COX7B2: variants seen among roughly 807,000 people sequenced by gnomAD.
The protein encoded by COX7B2 is cytochrome c oxidase subunit 7B2, mitochondrial.
For synonymous variants in COX7B2, 37 were observed against 32.1 expected (o/e 1.15, Z -0.51); for missense variants, 109 against 95.9 (o/e 1.14, Z -0.57).
chr4:46,891,715 C>T (rs1276882570), intron 1 of COX7B2, among the ~76,000 whole-genome samples: 1 of 152,136 alleles, frequency 6.6e-6, no homozygotes, highest in Non-Finnish European at 1.5e-5. Flanking sequence ...TAGCTTCTTG[C>T]CCTTCTCTTC....
At chr4:46,899,611 G>C (rs187703226) in intron 1 of COX7B2, among the ~76,000 whole-genome samples, 86 of 152,134 alleles carry the variant, frequency 5.7e-4, no homozygotes, top group African/African-American at 2.0e-3. Flanking sequence ...CTAAATAGTT[G>C]GCCTTTCATG....
chr4:46,848,003 G>A (rs529715799), intron 1 of COX7B2, among the ~76,000 whole-genome samples: 2 of 152,002 alleles, frequency 1.3e-5, no homozygotes, highest in African/African-American at 4.8e-5. Context: ...TTTGTTCTAG[G>A]TGCTCATTCA....
At chr4:46,880,993 T>TAAAAAAAAAAAAAAAAAAAAAA (rs1215385422) in intron 1 of COX7B2, among the ~76,000 whole-genome samples, 7 of 102,804 alleles carry the variant, frequency 6.8e-5, no homozygotes, top group Admixed American at 2.3e-4. Context: ...TAGAGTATAA[T>TAAAAAAAAAAAAAAAAAAAAAA]AAAAAAAAAA....
chr4:46,888,007 G>T (rs1441099451), intron 1 of COX7B2, among the ~76,000 whole-genome samples: 2 of 152,156 alleles, frequency 1.3e-5, no homozygotes, highest in African/African-American at 2.4e-5. Context: ...TGAAAGACCT[G>T]CTTGCTGTGC....
At chr4:46,848,376 T>G (rs555180996) in intron 1 of COX7B2, among the ~76,000 whole-genome samples, 1 of 152,242 alleles carries the variant, frequency 6.6e-6, no homozygotes, top group African/African-American at 2.4e-5. Flanking sequence ...GCATTTATTA[T>G]GCGAAAGGCC....
At position 46,897,877 on chromosome 4, in the gene COX7B2, T is replaced by C. The variant is rs970985855; in HGVS notation, c.-105+11283A>G. 2.0e-5 allele frequency among the ~76,000 whole-genome samples: 3 copies of C among 152,226 alleles called. No individual in the cohort carries two copies. The East Asian group carries it at 5.8e-4, about 29-fold the overall frequency. On this transcript the variant is annotated intron_variant, in intron 1 of 2. Coordinates refer to ENST00000355591, the MANE Select transcript of COX7B2 (RefSeq NM_130902.3). ...AGACTTCATTTTCTCTTACCTCACA[T>C]TAAATCTGGTATTGTTAACCACATT... is the stretch of plus-strand genomic sequence containing the variant.
At chr4:46,752,877 T>C (rs1300523383) in intron 2 of COX7B2, among the ~76,000 whole-genome samples, 1 of 152,118 alleles carries the variant, frequency 6.6e-6, no homozygotes, top group Non-Finnish European at 1.5e-5. Context: ...GGTCTAAAAT[T>C]CTCTTTTTGT....
intron 2 of COX7B2, among the ~76,000 whole-genome samples, chr4:46,815,260 G>C (rs1037587181): frequency 4.2e-4 from 64 of 152,116 alleles, no homozygotes; most frequent in Non-Finnish European, 1.0e-4. Context: ...TCCAACTGGG[G>C]TTTAAAGTTA....
intron 2 of COX7B2, among the ~76,000 whole-genome samples, chr4:46,787,713 C>T (rs1717824702): frequency 6.6e-6 from 1 of 152,148 alleles, no homozygotes; most frequent in Non-Finnish European, 1.5e-5. Context: ...TACACAAAGA[C>T]CTAGGCACCT....
intron 1 of COX7B2, among the ~76,000 whole-genome samples, chr4:46,851,384 T>C (rs186917225): frequency 1.4e-4 from 21 of 152,224 alleles, no homozygotes; most frequent in African/African-American, 4.8e-4. Context: ...ATGAACTCAA[T>C]GAATTTTAAT....
At chr4:46,754,697 CGTGTGTGTGTGTGTGT>C (rs367614632) in intron 2 of COX7B2, among the ~76,000 whole-genome samples, 4 of 73,844 alleles carry the variant, frequency 5.4e-5, no homozygotes, top group African/African-American at 2.2e-4. Context: ...CAATAAAATA[CGTGTGTGTGTGTGTGT>C]GTGTGTGTGT....
intron 2 of COX7B2, among the ~76,000 whole-genome samples, chr4:46,769,804 A>G (rs931642096): frequency 6.6e-6 from 1 of 152,228 alleles, no homozygotes; most frequent in African/African-American, 2.4e-5. Flanking sequence ...CCATCTTGTC[A>G]TGATAAAAAA....
intron 1 of COX7B2, among the ~76,000 whole-genome samples, chr4:46,849,654 C>A (rs571829369): frequency 1.3e-5 from 2 of 151,956 alleles, no homozygotes; most frequent in African/African-American, 4.8e-5. Flanking sequence ...TTTAATACAG[C>A]TTTTACTTAA....
At chr4:46,891,478 A>C (rs1342270903) in intron 1 of COX7B2, among the ~76,000 whole-genome samples, 2 of 152,206 alleles carry the variant, frequency 1.3e-5, no homozygotes, top group Non-Finnish European at 2.9e-5. Context: ...GGAAAGTAGT[A>C]AGAGAACGAT....
intron 2 of COX7B2, among the ~76,000 whole-genome samples, chr4:46,808,733 T>C (rs1719135496): frequency 6.6e-6 from 1 of 151,904 alleles, no homozygotes; most frequent in Non-Finnish European, 1.5e-5. Context: ...CTGTTGAGCA[T>C]ATTTATCAAG....
At chr4:46,900,265 T>G (rs534545144) in intron 1 of COX7B2, among the ~76,000 whole-genome samples, 2 of 152,334 alleles carry the variant, frequency 1.3e-5, no homozygotes, top group South Asian at 4.1e-4. Flanking sequence ...AAGGGCTATG[T>G]GGCTCCTCTG....
At chr4:46,794,458 G>A (rs954481351) in intron 2 of COX7B2, among the ~76,000 whole-genome samples, 1 of 152,122 alleles carries the variant, frequency 6.6e-6, no homozygotes, top group Non-Finnish European at 1.5e-5. Flanking sequence ...AACTGTTAGA[G>A]TACAGTCATT....
chr4:46,850,357 C>T (rs912311916), intron 1 of COX7B2, among the ~76,000 whole-genome samples: 2 of 151,994 alleles, frequency 1.3e-5, no homozygotes, highest in Non-Finnish European at 2.9e-5. Flanking sequence ...TTAACTATTA[C>T]TCTTTGTGTT....
At chr4:46,850,608 A>G (rs866067291) in intron 1 of COX7B2, among the ~76,000 whole-genome samples, 9 of 152,122 alleles carry the variant, frequency 5.9e-5, no homozygotes, top group African/African-American at 2.2e-4. Context: ...ATGAAGTTAC[A>G]TGAGTGAACA....
Sources: gnomAD v4.1 joint callset for allele counts (sites outside exome capture counted in the v4.1 genomes callset) on GRCh38, gnomAD v4.1.1 for gene constraint, MANE v1.5 for transcripts, NCBI Gene and HGNC (gene_info 2026-07-23, HGNC 2026-07-21) for gene names.